NCAPD3: variants seen among roughly 807,000 people sequenced by gnomAD.
NCAPD3 encodes the protein condensin-2 complex subunit D3.
A neutral mutation model predicts 182.9 loss-of-function variants in NCAPD3; 105 were observed. That is an observed-to-expected ratio of 0.57 (90% CI 0.49 to 0.68). The LOEUF (loss-of-function observed/expected upper bound fraction) is 0.68, where lower values mean the gene tolerates loss of function less well. NCAPD3 is among the 30% of genes least tolerant of loss of function. The pLI, the probability that NCAPD3 is intolerant of heterozygous loss-of-function variation, is 0.00. For synonymous variants in NCAPD3, 815 were observed against 679.9 expected, an observed-to-expected ratio of 1.20 and a Z score of -3.09; for missense variants, 1,944 against 1,837.0, an observed-to-expected ratio of 1.06 and a Z score of -1.07.
intron 23 of NCAPD3, 70 bp from the exon 24 acceptor site, chr11:134,176,456 C>A: frequency 7.7e-7 from 1 of 1,301,942 alleles, no homozygotes; most frequent in South Asian, 1.2e-5. Context: ...CCCAGCCACA[C>A]CCCACCCACC....
At position 134,208,889 on chromosome 11, in the gene NCAPD3, G is replaced by T; in HGVS notation, c.857C>A (p.Ser286Tyr). The T allele has an allele frequency of 6.2e-7, 1 of 1,612,770 alleles. No individual in the cohort carries two copies. The highest frequency in any genetic ancestry group is 1.1e-5 in the South Asian group (1 of 90,730). The change falls in exon 7 of 35, where the codon TCT becomes TAT. Residue 286 changes from serine (S) to tyrosine (Y), a missense_variant. By Grantham distance (144) the Ser-to-Tyr change is moderately radical. Coordinates refer to ENST00000534548, the MANE Select transcript of NCAPD3 (RefSeq NM_015261.3). ...CTTATCTCCTTCTCCATGAATGGGA[G>T]AGCACAGCAAATACAATCCATAATA... is the stretch of plus-strand genomic sequence containing the variant. ...LAYYGLYLLCSPIHGEGDKVI... is the reference protein window; with the variant it reads ...LAYYGLYLLCYPIHGEGDKVI...
intron 26 of NCAPD3, 115 bp downstream of exon 26, chr11:134,168,354 A>G: frequency 6.6e-7 from 1 of 1,519,314 alleles, no homozygotes; most frequent in South Asian, 1.2e-5. Context: ...GGACAAGATG[A>G]CAGGGGTCTT....
At chr11:134,210,534 A>G in intron 3 of NCAPD3, 80 bp from the exon 4 acceptor site, 1 of 1,275,662 alleles carries the variant, frequency 7.8e-7, no homozygotes, top group Non-Finnish European at 1.1e-6. Context: ...GAAAAGTTAC[A>G]AAGCAAAACA....
At chr11:134,205,556 T>C (rs762629314) in intron 8 of NCAPD3, among the ~76,000 whole-genome samples, 67 of 152,032 alleles carry the variant, frequency 4.4e-4, no homozygotes, top group Admixed American at 1.1e-3. Context: ...CTGTATTTTT[T>C]AGTAGAGACA....
At chr11:134,181,214 G>A in intron 19 of NCAPD3, 30 bp from the exon 20 acceptor site, 2 of 1,460,422 alleles carry the variant, frequency 1.4e-6, no homozygotes, top group South Asian at 2.3e-5. Flanking sequence ...ATCTCTGAAG[G>A]GCCCCGCACA....
At chr11:134,165,025 GAT>G (rs1943723434) in intron 27 of NCAPD3, among the ~76,000 whole-genome samples, 1 of 148,720 alleles carries the variant, frequency 6.7e-6, no homozygotes, top group African/African-American at 2.5e-5. Flanking sequence ...CCACTTGTGA[GAT>G]GAGCTTAGAG....
At chr11:134,219,527 G>C (rs910929145) in intron 2 of NCAPD3, among the ~76,000 whole-genome samples, 1 of 152,144 alleles carries the variant, frequency 6.6e-6, no homozygotes, top group Non-Finnish European at 1.5e-5. Flanking sequence ...AGTGCTTAGT[G>C]TTATGCTGAA....
chr11:134,188,111 C>A (rs1474949271), intron 16 of NCAPD3, among the ~76,000 whole-genome samples: 1 of 152,166 alleles, frequency 6.6e-6, no homozygotes, highest in Non-Finnish European at 1.5e-5. Flanking sequence ...GGATTGTAAG[C>A]ACACCAATCA....
At chr11:134,212,046 G>A (rs1937852401) in intron 3 of NCAPD3, among the ~76,000 whole-genome samples, 1 of 152,010 alleles carries the variant, frequency 6.6e-6, no homozygotes, top group Non-Finnish European at 1.5e-5. Flanking sequence ...ACAAAGCATA[G>A]ATAATCCCAC....
intron 27 of NCAPD3, among the ~76,000 whole-genome samples, chr11:134,165,855 T>C (rs1194967778): frequency 2.9e-4 from 33 of 115,194 alleles, no homozygotes; most frequent in Non-Finnish European, 4.4e-4. Context: ...GAGATGAGCT[T>C]AGGGGAGCTG....
chr11:134,153,171 C>T lies in NCAPD3; in HGVS notation c.4357G>A (p.Asp1453Asn). 6.2e-7 allele frequency: 1 copy of T among 1,614,194 alleles called. No homozygotes were observed. The highest frequency in any genetic ancestry group is 8.5e-7 in the Non-Finnish European group (1 of 1,180,032). The stretch of plus-strand genomic sequence containing the variant: ...TCAGGCAGTGATAAACATAAGATGT[C>T]ATTTCCTTGACTCCGGCCTTCAATT... ...EKIEGRSQGN[D>N]ILCLSLPDKP... The change falls in exon 34 of 35, where the codon GAC becomes AAC. Residue 1453 changes from aspartate (D) to asparagine (N), a missense_variant. This residue lies in a region of NCAPD3 where 1,803 missense variants were observed against 1,674.6 expected (regional missense o/e 1.08). Transcript: ENST00000534548.
intron 12 of NCAPD3, 43 bp downstream of exon 12, chr11:134,203,098 TA>T (rs747981261): frequency 1.4e-4 from 197 of 1,434,972 alleles, no homozygotes; most frequent in Non-Finnish European, 1.9e-4. Context: ...CACAAATTTT[TA>T]AAAGATAATC....
Position 134,161,850 on chromosome 11 carries a change from G to A in NCAPD3, c.3615C>T (p.Ile1205=), listed in dbSNP as rs1317920678. Residue 1205 remains isoleucine (I), a synonymous_variant, in exon 28 of 35, where the codon ATC becomes ATT. Coordinates refer to ENST00000534548, the MANE Select transcript of NCAPD3 (RefSeq NM_015261.3). ...RNFIENIIPI[I]ISLKTVLEKN... is the part of the protein sequence containing the mutation. ...TCTCCAGCACAGTCTTCAGGGAGATGATAATTGGAATAATATTTTCTATGA... is the reference window on the plus strand; with the variant it reads ...TCTCCAGCACAGTCTTCAGGGAGATAATAATTGGAATAATATTTTCTATGA... 1.9e-6 allele frequency: 3 copies of A among 1,585,104 alleles called. No homozygotes were observed. The highest frequency in any genetic ancestry group is 2.2e-5 in the East Asian group (1 of 44,668).
intron 27 of NCAPD3, among the ~76,000 whole-genome samples, chr11:134,166,824 T>A (rs1304386769): frequency 8.9e-4 from 56 of 62,586 alleles, no homozygotes; most frequent in East Asian, 2.4e-3. Context: ...CACACTCACT[T>A]GTGAGATGAG....
intron 19 of NCAPD3, among the ~76,000 whole-genome samples, chr11:134,182,003 A>G (rs547534160): frequency 6.6e-6 from 1 of 152,324 alleles, no homozygotes; most frequent in African/African-American, 2.4e-5. Context: ...GACTTGCCCT[A>G]ACGTATCTGG....
chr11:134,152,976 G>T lies in NCAPD3; in HGVS notation c.4465C>A (p.Leu1489Ile), dbSNP rs755637163. ...KDTPACSRRS[L>I]RKTPLKTAN Reference sequence around the variant, plus strand: ...GCTGTTTTCAGAGGGGTCTTTCGGAGGGACCTCCTGCTGCAGGCTGGAGTG... The same window carrying T: ...GCTGTTTTCAGAGGGGTCTTTCGGATGGACCTCCTGCTGCAGGCTGGAGTG... Residue 1489 changes from leucine (L) to isoleucine (I), a missense_variant, in exon 35 of 35, where the codon CTC (leucine) becomes ATC (isoleucine). By Grantham distance (5) the Leu-to-Ile change is conservative (BLOSUM62 2). This residue lies in a region of NCAPD3 where 1,803 missense variants were observed against 1,674.6 expected (regional missense o/e 1.08). Transcript: ENST00000534548. 1 of 1,573,900 alleles carries T rather than the reference G, an allele frequency of 6.4e-7. No individual in the cohort carries two copies. The highest frequency in any genetic ancestry group is 2.3e-5 in the East Asian group (1 of 44,414).
chr11:134,162,066 C>T (rs564007593), intron 27 of NCAPD3, among the ~76,000 whole-genome samples, 175 bp from the exon 28 acceptor site: 2 of 152,168 alleles, frequency 1.3e-5, no homozygotes, highest in Admixed American at 6.5e-5. Flanking sequence ...ACTTTGTAAG[C>T]ATTACCTCAA....
intron 32 of NCAPD3, among the ~76,000 whole-genome samples, chr11:134,156,588 G>A (rs957321754): frequency 6.6e-6 from 1 of 152,120 alleles, no homozygotes; most frequent in Non-Finnish European, 1.5e-5. Context: ...GGGGTCCCCG[G>A]GTCTCTGGTC....
intron 27 of NCAPD3, among the ~76,000 whole-genome samples, chr11:134,162,281 G>C (rs960714569): frequency 2.6e-5 from 4 of 152,144 alleles, no homozygotes; most frequent in Non-Finnish European, 5.9e-5. Context: ...GCTCGTTCTG[G>C]CTACCCAGAG....
Sources: allele counts gnomAD v4.1 joint callset (sites outside exome capture counted in the v4.1 genomes callset), GRCh38; gene constraint gnomAD v4.1.1; regional missense constraint gnomAD v4.1.1; transcripts MANE v1.5; gene names NCBI Gene and HGNC (gene_info 2026-07-23, HGNC 2026-07-21).